Variants in TMPRSS11D observed in about 807,000 individuals in gnomAD.
TMPRSS11D encodes the protein transmembrane protease serine 11D.
In TMPRSS11D, 32 loss-of-function variants were observed where a neutral mutation model predicts 44.4. The observed-to-expected ratio is 0.72, with a 90% confidence interval of 0.54 to 0.97. The LOEUF (loss-of-function observed/expected upper bound fraction) is 0.97, where lower values mean the gene tolerates loss of function less well. Ranked by LOEUF, TMPRSS11D falls within the 50% of genes least tolerant of loss-of-function variation. The pLI is 0.00. For synonymous variants in TMPRSS11D, 179 were observed against 177.9 expected (o/e 1.01, Z -0.05); for missense variants, 446 against 502.6 (o/e 0.89, Z 1.08).
intron 1 of TMPRSS11D, among the ~76,000 whole-genome samples, chr4:67,861,738 A>C (rs946500485): frequency 6.6e-6 from 1 of 152,146 alleles, no homozygotes; most frequent in African/African-American, 2.4e-5. Flanking sequence ...GAAAAGCACC[A>C]TGAGACATAT....
chr4:67,880,171 C>T (rs1188683838), intron 1 of TMPRSS11D, among the ~76,000 whole-genome samples: 1 of 152,164 alleles, frequency 6.6e-6, no homozygotes, highest in Non-Finnish European at 1.5e-5. Flanking sequence ...AGTTCGTAGA[C>T]AGGAGGTGCC....
chr4:67,873,999 G>A (rs1197300964), intron 1 of TMPRSS11D, among the ~76,000 whole-genome samples: 4 of 152,090 alleles, frequency 2.6e-5, no homozygotes, highest in Non-Finnish European at 4.4e-5. Flanking sequence ...ATCACAGATC[G>A]CATGTATGAC....
Position 67,822,994 on chromosome 4 carries a change from T to G in TMPRSS11D, c.1096-496A>C, listed in dbSNP as rs534285327. Among the ~76,000 whole-genome samples the G allele has an allele frequency of 3.8e-4, 58 of 152,324 alleles. 1 individual carries two copies. The highest frequency in any genetic ancestry group is 1.3e-3 in the African/African-American group (56 of 41,582). The stretch of plus-strand genomic sequence containing the variant: ...TGTTTTGTTCTGTTTTGTTTTGATG[T>G]AGCAGCTGCATGTCTCTGAAACACT... On this transcript the variant is annotated intron_variant, in intron 9 of 9. Transcript: ENST00000283916.
At chr4:67,877,692 AACCT>A (rs1719226508) in intron 1 of TMPRSS11D, among the ~76,000 whole-genome samples, 1 of 152,154 alleles carries the variant, frequency 6.6e-6, no homozygotes, top group African/African-American at 2.4e-5. Flanking sequence ...TCATGTGAAA[AACCT>A]GAAAATTATA....
intron 7 of TMPRSS11D, among the ~76,000 whole-genome samples, chr4:67,827,773 A>G (rs1384525218): frequency 6.6e-6 from 1 of 152,102 alleles, no homozygotes; most frequent in Admixed American, 6.6e-5. Flanking sequence ...TTCTATTCCA[A>G]TGAAGTTATT....
chr4:67,846,986 C>T (rs894470017), intron 3 of TMPRSS11D, among the ~76,000 whole-genome samples: 3 of 151,930 alleles, frequency 2.0e-5, no homozygotes, highest in Non-Finnish European at 4.4e-5. Flanking sequence ...CTCACTGCAA[C>T]CTCTGCCTCC....
At chr4:67,857,318 TATATACACACAC>T (rs1279280181) in intron 2 of TMPRSS11D, among the ~76,000 whole-genome samples, 1 of 1,010 alleles carries the variant, frequency 9.9e-4, no homozygotes, top group African/African-American at 2.0e-3. Context: ...TATATATATA[TATATACACACAC>T]ACACACACAC....
At chr4:67,851,320 C>T (rs1718503567) in intron 3 of TMPRSS11D, among the ~76,000 whole-genome samples, 1 of 152,198 alleles carries the variant, frequency 6.6e-6, no homozygotes, top group Non-Finnish European at 1.5e-5. Context: ...TACTCCCAAA[C>T]AACTGGGGAT....
intron 4 of TMPRSS11D, 27 bp from the exon 5 acceptor site, chr4:67,838,356 A>T: frequency 6.6e-7 from 1 of 1,507,908 alleles, no homozygotes; most frequent in Middle Eastern, 1.8e-4. Context: ...TATTTTAAAA[A>T]ACAAATAATA....
intron 3 of TMPRSS11D, among the ~76,000 whole-genome samples, chr4:67,850,424 C>G (rs1399045054): frequency 2.0e-5 from 3 of 150,504 alleles, no homozygotes; most frequent in Non-Finnish European, 4.4e-5. Context: ...CAGATGAAAC[C>G]AGCAACTGAC....
intron 3 of TMPRSS11D, among the ~76,000 whole-genome samples, chr4:67,848,532 C>A (rs1718413899): frequency 6.6e-6 from 1 of 152,138 alleles, no homozygotes; most frequent in African/African-American, 2.4e-5. Context: ...AATAATCATT[C>A]ATAATTAAGT....
At position 67,881,400 on chromosome 4, in the gene TMPRSS11D, C is replaced by T. The variant is rs532225142; in HGVS notation, c.8+2526G>A. ...CAGCTGATCTTCCTGTATGCAGGCC[C>T]GTCCCACACCATCATTAGAAAAACA... is the stretch of plus-strand genomic sequence containing the variant. On this transcript the variant is annotated intron_variant, in intron 1 of 9. Coordinates refer to ENST00000283916, the MANE Select transcript of TMPRSS11D (RefSeq NM_004262.3). Among the ~76,000 whole-genome samples, 8 of 152,226 alleles carry T rather than the reference C, an allele frequency of 5.3e-5. No individual in the cohort carries two copies. In the East Asian group the frequency reaches 5.8e-4, roughly 11 times the overall value.
At chr4:67,881,150 T>C (rs891713976) in intron 1 of TMPRSS11D, among the ~76,000 whole-genome samples, 1 of 152,184 alleles carries the variant, frequency 6.6e-6, no homozygotes, top group East Asian at 1.9e-4. Context: ...TTTTAAGAAA[T>C]TGGATTGGAT....
At chr4:67,842,094 C>A (rs1202844710) in intron 4 of TMPRSS11D, among the ~76,000 whole-genome samples, 3 of 152,114 alleles carry the variant, frequency 2.0e-5, no homozygotes, top group Non-Finnish European at 2.9e-5. Flanking sequence ...GATAGACATG[C>A]CTTGGATTTG....
At chr4:67,838,746 T>G (rs1023730203) in intron 4 of TMPRSS11D, among the ~76,000 whole-genome samples, 2 of 152,102 alleles carry the variant, frequency 1.3e-5, no homozygotes, top group East Asian at 1.9e-4. Context: ...ATTCTTAGAC[T>G]TCACCAGTGT....
chr4:67,848,794 G>C (rs1213499700), intron 3 of TMPRSS11D, among the ~76,000 whole-genome samples: 1 of 152,200 alleles, frequency 6.6e-6, no homozygotes, highest in African/African-American at 2.4e-5. Context: ...TGGAGAGCAA[G>C]TAGGCTAGGG....
chr4:67,867,177 A>T (rs12108466), intron 1 of TMPRSS11D, among the ~76,000 whole-genome samples: 8,170 of 152,136 alleles, frequency 0.054, 696 homozygotes, highest in African/African-American at 0.18. Context: ...AAATAAAGCC[A>T]CTTACCTACA....
At chr4:67,857,344 CACAT>C (rs1484626687) in intron 2 of TMPRSS11D, among the ~76,000 whole-genome samples, 1 of 131,618 alleles carries the variant, frequency 7.6e-6, no homozygotes, top group Non-Finnish European at 1.6e-5. Flanking sequence ...CACACACACA[CACAT>C]ACACAATGGA....
chr4:67,876,641 G>T (rs1194519409), intron 1 of TMPRSS11D, among the ~76,000 whole-genome samples: 4 of 152,136 alleles, frequency 2.6e-5, no homozygotes, highest in African/African-American at 9.7e-5. Context: ...GAGATTAAGT[G>T]GTACCACAGA....
Sources: allele counts gnomAD v4.1 joint callset (sites outside exome capture counted in the v4.1 genomes callset), GRCh38; gene constraint gnomAD v4.1.1; transcripts MANE v1.5; gene names NCBI Gene and HGNC (gene_info 2026-07-23, HGNC 2026-07-21).